The following LGSN variants were observed in gnomAD, a reference collection of about 807,000 sequenced individuals.
LGSN encodes the protein lengsin.
In LGSN, 21 loss-of-function variants were observed where a neutral mutation model predicts 19.5. The ratio of observed to expected loss-of-function variants is 1.07; its 90% CI spans 0.76 to 1.55. The LOEUF (loss-of-function observed/expected upper bound fraction) is 1.55, where lower values mean the gene tolerates loss of function less well. Ranked by LOEUF, LGSN falls within the 40% of genes most tolerant of loss-of-function variation. The probability of loss-of-function intolerance (pLI) is 0.00; values close to 1 mark genes in which losing one functional copy is unlikely to be tolerated. For missense variants in LGSN, 673 were observed against 608.5 expected, an observed-to-expected ratio of 1.11 and a Z score of -1.12; for synonymous variants, 257 against 215.6, an observed-to-expected ratio of 1.19 and a Z score of -1.68.
chr6:63,566,019 T>C, the LGSN span, among the ~76,000 whole-genome samples: 1 of 152,228 alleles, frequency 6.6e-6, no homozygotes, highest in South Asian at 2.1e-4. Flanking sequence ...GGAAGCCACA[T>C]GCATTTTTTG....
At chr6:63,298,242 G>A (rs1407185293) in intron 1 of LGSN, among the ~76,000 whole-genome samples, 1 of 152,182 alleles carries the variant, frequency 6.6e-6, no homozygotes, top group Admixed American at 6.5e-5. Context: ...TGGGGATCAT[G>A]GGTAAGTTGT....
rs190185907 is a variant in LGSN, at chr6:63,285,792, T to C, written c.164-39A>G. 316 of 1,565,094 alleles carry C rather than the reference T, an allele frequency of 2.0e-4. 3 individuals are homozygous for C. In the African/African-American group the frequency reaches 3.6e-3, roughly 18 times the overall value. On this transcript the variant is annotated intron_variant, in intron 2 of 3. Coordinates refer to ENST00000370657, the MANE Select transcript of LGSN (RefSeq NM_016571.3). Reference sequence around the variant, plus strand: ...AAATAGGTTCTAACTCACGAGATCATGATGGACTGAGAAGCAAAAGGAGAC... The same window carrying C: ...AAATAGGTTCTAACTCACGAGATCACGATGGACTGAGAAGCAAAAGGAGAC...
chr6:63,476,575 A>G, the LGSN span, among the ~76,000 whole-genome samples: 5 of 152,216 alleles, frequency 3.3e-5, no homozygotes, highest in Admixed American at 3.3e-4. Context: ...TGGGAGCTCA[A>G]CTGGAGCTAT....
chr6:63,521,032 A>G, the LGSN span, among the ~76,000 whole-genome samples: 4 of 152,120 alleles, frequency 2.6e-5, no homozygotes, highest in South Asian at 2.1e-4. Flanking sequence ...GAGTTGAACA[A>G]TGAGAACACA....
the LGSN span, among the ~76,000 whole-genome samples, chr6:63,438,283 C>T: frequency 6.6e-6 from 1 of 152,160 alleles, no homozygotes; most frequent in Admixed American, 6.6e-5. Flanking sequence ...CCATTCAGGA[C>T]ATAGGCATGG....
chr6:63,310,905 G>A (rs1253795061), intron 1 of LGSN, among the ~76,000 whole-genome samples: 1 of 152,154 alleles, frequency 6.6e-6, no homozygotes, highest in East Asian at 1.9e-4. Flanking sequence ...GGTTTCCTGG[G>A]CATTTTTCTG....
chr6:63,563,057 C>G, the LGSN span, among the ~76,000 whole-genome samples: 1 of 152,220 alleles, frequency 6.6e-6, no homozygotes, highest in Non-Finnish European at 1.5e-5. Flanking sequence ...CCACTTTTCT[C>G]TGCCTCCACT....
chr6:63,408,258 A>C, the LGSN span, among the ~76,000 whole-genome samples: 65 of 151,468 alleles, frequency 4.3e-4, no homozygotes, highest in African/African-American at 1.3e-3. Flanking sequence ...CTGGAGGCAT[A>C]ACACTACCTG....
Position 63,312,045 on chromosome 6 carries a change from T to C in LGSN, c.30+7869A>G, listed in dbSNP as rs555020924. Among the ~76,000 whole-genome samples, 6 of 152,350 alleles carry C rather than the reference T, an allele frequency of 3.9e-5. 1 individual carries two copies. The South Asian group carries it at 1.2e-3, about 32-fold the overall frequency. ...ACATAATGTCCTCTAGGTCCATTCA[T>C]GTTTTAACAAATGACAGAAAATTTT... On this transcript the variant is annotated intron_variant, in intron 1 of 3. Transcript: ENST00000370657.
At chr6:63,355,111 T>A in the LGSN span, among the ~76,000 whole-genome samples, 3 of 152,120 alleles carry the variant, frequency 2.0e-5, no homozygotes, top group Non-Finnish European at 4.4e-5. Context: ...CACAGAGGAC[T>A]TGAAATGTTC....
the LGSN span, among the ~76,000 whole-genome samples, chr6:63,412,733 A>AGG: frequency 5.1e-4 from 28 of 54,392 alleles, 3 homozygotes; most frequent in African/African-American, 3.1e-3. Context: ...GAAAGAAAGA[A>AGG]AGAAAGAAAG....
At chr6:63,341,114 G>A in the LGSN span, among the ~76,000 whole-genome samples, 1 of 152,192 alleles carries the variant, frequency 6.6e-6, no homozygotes, top group Non-Finnish European at 1.5e-5. Flanking sequence ...GTTGGCTTTA[G>A]TGAGGCTCTG....
intron 1 of LGSN, among the ~76,000 whole-genome samples, chr6:63,298,837 C>G (rs1176375656): frequency 6.6e-6 from 1 of 152,150 alleles, no homozygotes; most frequent in Non-Finnish European, 1.5e-5. Flanking sequence ...TATTGATGTG[C>G]AGAACATTCT....
the LGSN span, among the ~76,000 whole-genome samples, chr6:63,553,452 T>C: frequency 1.3e-5 from 2 of 152,170 alleles, no homozygotes; most frequent in East Asian, 1.9e-4. Flanking sequence ...AATAACCAGT[T>C]ACATGGGTGG....
chr6:63,280,559 G>A lies in LGSN; in HGVS notation c.992C>T (p.Thr331Ile). The A allele has an allele frequency of 1.2e-6, 2 of 1,614,096 alleles. No homozygotes were observed. The highest frequency in any genetic ancestry group is 1.7e-6 in the Non-Finnish European group (2 of 1,180,032). Residue 331 changes from threonine (T) to isoleucine (I), a missense_variant, in exon 4 of 4, where the codon ACT (threonine) becomes ATT (isoleucine). By Grantham distance (89) the Thr-to-Ile change is moderately conservative. Transcript: ENST00000370657. ...GATCGTGAGCTGCTCAGTTCCAGAAGTGCTGCAGAACATGTTTTTCTTCCT... is the reference window on the plus strand; with the variant it reads ...GATCGTGAGCTGCTCAGTTCCAGAAATGCTGCAGAACATGTTTTTCTTCCT... ...VDRKKNMFCS[T>I]SGTEQLTITG...
intron 1 of LGSN, among the ~76,000 whole-genome samples, chr6:63,309,247 C>A (rs577277350): frequency 6.6e-6 from 1 of 152,224 alleles, no homozygotes; most frequent in African/African-American, 2.4e-5. Context: ...GCCTGGCCAA[C>A]ATGGTGAAAC....
chr6:63,543,277 G>A, the LGSN span, among the ~76,000 whole-genome samples: 75 of 152,298 alleles, frequency 4.9e-4, no homozygotes, highest in Non-Finnish European at 8.8e-4. Context: ...TCATTCAGAC[G>A]TCAACTAAAA....
At chr6:63,505,563 A>AG in the LGSN span, among the ~76,000 whole-genome samples, 1 of 86,690 alleles carries the variant, frequency 1.2e-5, no homozygotes, top group African/African-American at 5.8e-5. Flanking sequence ...CAAAAAAAAA[A>AG]AAAAAGAAAG....
the LGSN span, among the ~76,000 whole-genome samples, chr6:63,434,315 C>T: frequency 5.3e-5 from 8 of 150,686 alleles, no homozygotes; most frequent in African/African-American, 2.0e-4. Context: ...TGGTGGGCGC[C>T]TGTGATCCCA....
Sources: gnomAD v4.1 joint callset for allele counts (sites outside exome capture counted in the v4.1 genomes callset) on GRCh38, gnomAD v4.1.1 for gene constraint, MANE v1.5 for transcripts, NCBI Gene and HGNC (gene_info 2026-07-23, HGNC 2026-07-21) for gene names.